SGCZ: variants seen among roughly 807,000 people sequenced by gnomAD.
SGCZ encodes zeta-sarcoglycan.
In SGCZ, 40 loss-of-function variants were observed where a neutral mutation model predicts 41.3. The observed-to-expected ratio is 0.97, with a 90% confidence interval of 0.75 to 1.26. SGCZ has a LOEUF of 1.26. SGCZ is among the 50% of genes most tolerant of loss of function. The pLI, the probability that SGCZ is intolerant of heterozygous loss-of-function variation, is 0.00. For synonymous variants in SGCZ, 206 were observed against 137.5 expected (o/e 1.50, Z -3.49); for missense variants, 552 against 369.8 (o/e 1.49, Z -4.04).
intron 1 of SGCZ, among the ~76,000 whole-genome samples, chr8:15,159,693 G>GT (rs1360765270): frequency 2.1e-5 from 3 of 144,280 alleles, no homozygotes; most frequent in Admixed American, 1.4e-4. Context: ...GAGTTTGAAG[G>GT]TTTTTTTATT....
intron 7 of SGCZ, among the ~76,000 whole-genome samples, chr8:14,092,802 C>A (rs1302675496): frequency 6.6e-6 from 1 of 152,014 alleles, no homozygotes; most frequent in Admixed American, 6.6e-5. Context: ...ATAAATTACC[C>A]AGTCTCGGGT....
intron 4 of SGCZ, among the ~76,000 whole-genome samples, chr8:14,207,782 A>G (rs1805665901): frequency 6.6e-6 from 1 of 152,154 alleles, no homozygotes; most frequent in Non-Finnish European, 1.5e-5. Flanking sequence ...CCTACTTTAG[A>G]TTATAAACTC....
At chr8:14,794,280 T>C (rs1266777840) in intron 1 of SGCZ, among the ~76,000 whole-genome samples, 2 of 152,054 alleles carry the variant, frequency 1.3e-5, no homozygotes, top group Admixed American at 1.3e-4. Flanking sequence ...TAGGATGCAA[T>C]AGAGAAGATT....
chr8:14,602,028 G>A (rs919434521), intron 1 of SGCZ, among the ~76,000 whole-genome samples: 1 of 152,088 alleles, frequency 6.6e-6, no homozygotes, highest in African/African-American at 2.4e-5. Flanking sequence ...GCTGAGGCAG[G>A]AGAATGGCAT....
intron 1 of SGCZ, among the ~76,000 whole-genome samples, chr8:14,855,778 G>C (rs1023697406): frequency 2.0e-5 from 3 of 152,152 alleles, no homozygotes; most frequent in Non-Finnish European, 4.4e-5. Flanking sequence ...TAACATAATA[G>C]TAATGTTAAA....
chr8:14,858,494 G>T (rs1342879725), intron 1 of SGCZ, among the ~76,000 whole-genome samples: 1 of 152,084 alleles, frequency 6.6e-6, no homozygotes, highest in Non-Finnish European at 1.5e-5. Flanking sequence ...GACTCACACA[G>T]ATACAAGTTG....
chr8:15,008,342 A>G (rs1166262819), intron 1 of SGCZ, among the ~76,000 whole-genome samples: 1 of 151,838 alleles, frequency 6.6e-6, no homozygotes, highest in Non-Finnish European at 1.5e-5. Flanking sequence ...TCATTGTTTT[A>G]GTTGTTTCAT....
intron 1 of SGCZ, among the ~76,000 whole-genome samples, chr8:15,122,148 T>A (rs1031492222): frequency 2.0e-5 from 3 of 149,494 alleles, no homozygotes; most frequent in African/African-American, 7.4e-5. Flanking sequence ...CTCTATCATA[T>A]CATGGACATA....
At chr8:15,190,070 C>G (rs1461920620) in intron 1 of SGCZ, among the ~76,000 whole-genome samples, 1 of 152,114 alleles carries the variant, frequency 6.6e-6, no homozygotes, top group Admixed American at 6.6e-5. Flanking sequence ...TTTTCTCACC[C>G]AATTCTGCAT....
chr8:14,873,801 G>GTA (rs113455619), intron 1 of SGCZ, among the ~76,000 whole-genome samples: 15 of 152,218 alleles, frequency 9.9e-5, no homozygotes, highest in African/African-American at 3.6e-4. Context: ...TTGGCCAGAT[G>GTA]TATACCTAAT....
chr8:14,351,349 GT>G (rs1160939374), intron 2 of SGCZ, among the ~76,000 whole-genome samples: 2 of 151,898 alleles, frequency 1.3e-5, no homozygotes, highest in African/African-American at 4.8e-5. Context: ...TTTTGGCCTA[GT>G]CTAGCATGGA....
intron 1 of SGCZ, among the ~76,000 whole-genome samples, chr8:14,900,106 T>G (rs1798917096): frequency 6.6e-6 from 1 of 152,176 alleles, no homozygotes; most frequent in Non-Finnish European, 1.5e-5. Context: ...ACGGTAATTT[T>G]TGAAACCTTT....
chr8:14,646,331 C>G (rs1467398126), intron 1 of SGCZ, among the ~76,000 whole-genome samples: 1 of 151,942 alleles, frequency 6.6e-6, no homozygotes, highest in African/African-American at 2.4e-5. Flanking sequence ...CATTAATTCA[C>G]TTAGGATAAT....
intron 1 of SGCZ, among the ~76,000 whole-genome samples, chr8:14,838,026 C>G (rs774788079): frequency 4.6e-5 from 7 of 152,036 alleles, no homozygotes; most frequent in Non-Finnish European, 7.4e-5. Flanking sequence ...AGAACAAAAT[C>G]CTATCATTTG....
At chr8:14,547,969 A>T (rs1033199643) in intron 2 of SGCZ, among the ~76,000 whole-genome samples, 1 of 152,220 alleles carries the variant, frequency 6.6e-6, no homozygotes, top group Non-Finnish European at 1.5e-5. Flanking sequence ...CAGAAAGAGT[A>T]AATTTCATTC....
chr8:14,705,827 G>A (rs745626541), intron 1 of SGCZ, among the ~76,000 whole-genome samples: 1 of 151,960 alleles, frequency 6.6e-6, no homozygotes. Flanking sequence ...TCAGTACATA[G>A]AACTTTGAAT....
intron 3 of SGCZ, among the ~76,000 whole-genome samples, chr8:14,302,580 G>C (rs1042431750): frequency 1.3e-5 from 2 of 151,994 alleles, no homozygotes; most frequent in African/African-American, 4.8e-5. Context: ...AGAGAGCTTT[G>C]ACTCTGTCCC....
chr8:14,276,379 C>T (rs1800233493), intron 3 of SGCZ, among the ~76,000 whole-genome samples: 1 of 152,096 alleles, frequency 6.6e-6, no homozygotes, highest in African/African-American at 2.4e-5. Flanking sequence ...TGAAACAGAG[C>T]AGACATTCGA....
chr8:14,834,143 T>C (rs534042894), intron 1 of SGCZ, among the ~76,000 whole-genome samples: 1 of 152,336 alleles, frequency 6.6e-6, no homozygotes, highest in East Asian at 1.9e-4. Context: ...TCTCACTATG[T>C]CATTGTAAAT....
Sources: allele counts gnomAD v4.1 joint callset (sites outside exome capture counted in the v4.1 genomes callset), GRCh38; gene constraint gnomAD v4.1.1; transcripts MANE v1.5; gene names NCBI Gene and HGNC (gene_info 2026-07-23, HGNC 2026-07-21).